Variants in ANKRD30B observed in about 807,000 individuals in gnomAD.
ANKRD30B encodes ankyrin repeat domain 30B.
A neutral mutation model predicts 202.2 loss-of-function variants in ANKRD30B; 144 were observed. The ratio of observed to expected loss-of-function variants is 0.71; its 90% CI spans 0.62 to 0.82. The LOEUF is 0.82. ANKRD30B is among the 40% of genes least tolerant of loss of function. The pLI, the probability that ANKRD30B is intolerant of heterozygous loss-of-function variation, is 0.00. For synonymous variants in ANKRD30B, 508 were observed against 561.3 expected, an observed-to-expected ratio of 0.91 and a Z score of 1.34; for missense variants, 1,487 against 1,669.1, an observed-to-expected ratio of 0.89 and a Z score of 1.90.
At chr18:14,810,910 C>T (rs866727470) in intron 28 of ANKRD30B, among the ~76,000 whole-genome samples, 2,206 of 151,140 alleles carry the variant, frequency 0.015, 2 homozygotes, top group African/African-American at 0.051. Context: ...GGTCAGGAGT[C>T]GCAGACGAGC....
chr18:14,823,812 A>G (rs1970555645), intron 32 of ANKRD30B, among the ~76,000 whole-genome samples: 1 of 152,160 alleles, frequency 6.6e-6, no homozygotes, highest in South Asian at 2.1e-4. Context: ...TATCTCTACT[A>G]AAAATAACAA....
the ANKRD30B span, among the ~76,000 whole-genome samples, chr18:14,869,917 C>T: frequency 6.6e-6 from 1 of 151,780 alleles, no homozygotes; most frequent in African/African-American, 2.4e-5. Context: ...TCACCGCAAC[C>T]TCTGCCTCCT....
chr18:14,821,154 G>A (rs1970398950), intron 30 of ANKRD30B, among the ~76,000 whole-genome samples: 4 of 152,164 alleles, frequency 2.6e-5, no homozygotes, highest in Admixed American at 2.6e-4. Context: ...TTTGCGTAGA[G>A]GTGTTTGTAG....
chr18:14,785,897 G>T (rs1028574833), intron 14 of ANKRD30B, among the ~76,000 whole-genome samples: 6 of 151,822 alleles, frequency 4.0e-5, no homozygotes, highest in South Asian at 2.1e-4. Flanking sequence ...AATTAGCCGG[G>T]TGCGGTGGCG....
intron 30 of ANKRD30B, among the ~76,000 whole-genome samples, chr18:14,821,812 A>T (rs1970438190): frequency 6.6e-6 from 1 of 152,200 alleles, no homozygotes. Context: ...TGGATCAGGA[A>T]ATTTTAAGAA....
At chr18:14,916,263 G>A in the ANKRD30B span, among the ~76,000 whole-genome samples, 2 of 152,214 alleles carry the variant, frequency 1.3e-5, no homozygotes, top group African/African-American at 2.4e-5. Flanking sequence ...GCCCTGGGAT[G>A]GGTGGCAGGA....
intron 34 of ANKRD30B, among the ~76,000 whole-genome samples, chr18:14,835,198 A>G (rs1971118965): frequency 6.6e-6 from 1 of 151,840 alleles, no homozygotes; most frequent in African/African-American, 2.4e-5. Flanking sequence ...AAGCTACAAC[A>G]CTGTCAAAGA....
Position 14,807,666 on chromosome 18 carries a change from C to G in ANKRD30B, c.2285-885C>G, listed in dbSNP as rs185898837. The stretch of plus-strand genomic sequence containing the variant: ...CACAGCTCCGGCTCCCAAGTAGCTG[C>G]GGTTACAGGCATGTGCCACCATACC... On this transcript the variant is annotated intron_variant, in intron 24 of 43. Transcript: ENST00000690538. 5.4e-5 allele frequency among the ~76,000 whole-genome samples: 8 copies of G among 149,148 alleles called. No individual in the cohort carries two copies. The South Asian group carries it at 1.5e-3, about 28-fold the overall frequency.
At chr18:14,826,693 T>TCTCACACACACACACACACACA (rs762792279) in intron 32 of ANKRD30B, among the ~76,000 whole-genome samples, 52 of 124,960 alleles carry the variant, frequency 4.2e-4, no homozygotes, top group East Asian at 1.0e-3. Flanking sequence ...TCTCTCTCTC[T>TCTCACACACACACACACACACA]CACACACACA....
At chr18:14,788,174 A>G (rs1258756623) in intron 15 of ANKRD30B, among the ~76,000 whole-genome samples, 6 of 152,196 alleles carry the variant, frequency 3.9e-5, no homozygotes, top group African/African-American at 1.4e-4. Context: ...GTGTCATGGC[A>G]AGTAGAAAAT....
chr18:14,937,919 G>T, the ANKRD30B span, among the ~76,000 whole-genome samples: 2 of 152,262 alleles, frequency 1.3e-5, no homozygotes, highest in Admixed American at 1.3e-4. Context: ...TTCCTTGCTG[G>T]CCTGGAACCG....
chr18:14,755,072 C>A, intron 4 of ANKRD30B, 67 bp downstream of exon 4: 2 of 843,982 alleles, frequency 2.4e-6, no homozygotes, highest in Non-Finnish European at 1.7e-6. Context: ...ATGCTCAAGT[C>A]AGAAATATTA....
At chr18:14,922,612 G>GCCA in the ANKRD30B span, among the ~76,000 whole-genome samples, 4 of 143,654 alleles carry the variant, frequency 2.8e-5, no homozygotes, top group African/African-American at 1.1e-4. Flanking sequence ...CCAAGATCGC[G>GCCA]CCACCGCACT....
At chr18:14,841,777 T>A (rs59872678) in intron 37 of ANKRD30B, among the ~76,000 whole-genome samples, 157 of 152,278 alleles carry the variant, frequency 1.0e-3, no homozygotes, top group African/African-American at 3.7e-3. Flanking sequence ...GCATTTACAA[T>A]ATTTGCACTC....
intron 15 of ANKRD30B, among the ~76,000 whole-genome samples, chr18:14,787,616 A>C (rs1338376197): frequency 6.6e-6 from 1 of 152,230 alleles, no homozygotes; most frequent in Non-Finnish European, 1.5e-5. Flanking sequence ...AGCATGAGGA[A>C]TAGGAAACCT....
chr18:14,864,471 C>A, the ANKRD30B span, among the ~76,000 whole-genome samples: 2 of 151,882 alleles, frequency 1.3e-5, no homozygotes, highest in Non-Finnish European at 2.9e-5. Flanking sequence ...TCTTTGGCTC[C>A]CTCTCTCACC....
the ANKRD30B span, among the ~76,000 whole-genome samples, chr18:14,882,034 T>C: frequency 1.3e-5 from 2 of 152,254 alleles, no homozygotes; most frequent in Admixed American, 1.3e-4. Flanking sequence ...ATCGATTTTA[T>C]TTATCTTTTC....
At chr18:14,768,293 C>T (rs1008942483) in intron 7 of ANKRD30B, among the ~76,000 whole-genome samples, 10 of 152,198 alleles carry the variant, frequency 6.6e-5, no homozygotes, top group African/African-American at 2.4e-4. Flanking sequence ...CTCCATGCCC[C>T]TTTCCTATAA....
chr18:14,863,184 G>T, the ANKRD30B span, among the ~76,000 whole-genome samples: 1 of 152,140 alleles, frequency 6.6e-6, no homozygotes, highest in African/African-American at 2.4e-5. Context: ...GGTGGGCATA[G>T]GTGTGAAATG....
Sources: gnomAD v4.1 joint callset for allele counts (sites outside exome capture counted in the v4.1 genomes callset) on GRCh38, gnomAD v4.1.1 for gene constraint, MANE v1.5 for transcripts, NCBI Gene and HGNC (gene_info 2026-07-23, HGNC 2026-07-21) for gene names.